The following NTNG1 variants were observed in gnomAD, a reference collection of about 807,000 sequenced individuals.
The protein encoded by NTNG1 is netrin-G1.
Under a neutral mutation model 54.0 loss-of-function variants are expected in NTNG1, and 16 were observed. The ratio of observed to expected loss-of-function variants is 0.30; its 90% CI spans 0.20 to 0.45. The LOEUF is 0.45. Among genes scored for constraint, NTNG1 ranks in the 20% least tolerant of loss-of-function variants. The probability of loss-of-function intolerance (pLI) is 1.00; values close to 1 mark genes in which losing one functional copy is unlikely to be tolerated. For missense variants in NTNG1, 530 were observed against 678.7 expected (o/e 0.78, Z 2.43); for synonymous variants, 255 against 263.1 (o/e 0.97, Z 0.30).
At chr1:107,452,609 C>T (rs1378249639) in intron 7 of NTNG1, among the ~76,000 whole-genome samples, 1 of 152,078 alleles carries the variant, frequency 6.6e-6, no homozygotes, top group African/African-American at 2.4e-5. Context: ...TCTGGTGAGA[C>T]TGGATTAATT....
chr1:107,275,591 C>G (rs1344250392), intron 2 of NTNG1, among the ~76,000 whole-genome samples: 1 of 151,964 alleles, frequency 6.6e-6, no homozygotes, highest in African/African-American at 2.4e-5. Context: ...GGCTCAAGAT[C>G]CAAGAAACAA....
At chr1:107,195,609 GCAGACA>G (rs1377849544) in intron 2 of NTNG1, among the ~76,000 whole-genome samples, 1 of 151,142 alleles carries the variant, frequency 6.6e-6, no homozygotes, top group Non-Finnish European at 1.5e-5. Flanking sequence ...ACACACACAG[GCAGACA>G]CACACACACA....
rs372636056 is a variant in NTNG1 at position 107,343,234 on chromosome 1, A to G, written c.887+18312A>G. On this transcript the variant is annotated intron_variant, in intron 3 of 7. Coordinates refer to ENST00000370068, the MANE Select transcript of NTNG1 (RefSeq NM_001113226.3). ...GTCACGCTCCACTTTTTGGCAAAGA[A>G]GGGAATGTTCCTTAATCCTGCCCTT... Among the ~76,000 whole-genome samples, 57 of 152,266 alleles carry G rather than the reference A, an allele frequency of 3.7e-4. No individual in the cohort carries two copies. The East Asian group carries it at 7.7e-3, about 21-fold the overall frequency.
intron 3 of NTNG1, among the ~76,000 whole-genome samples, chr1:107,354,468 CAAAAAAAAAAAAAA>C (rs398049560): frequency 1.5e-5 from 1 of 66,126 alleles, no homozygotes; most frequent in Non-Finnish European, 2.6e-5. Context: ...GACTCCATCT[CAAAAAAAAAAAAAA>C]AAAAAAAAAA....
chr1:107,211,468 C>T (rs1659593994), intron 2 of NTNG1, among the ~76,000 whole-genome samples: 1 of 151,978 alleles, frequency 6.6e-6, no homozygotes, highest in South Asian at 2.1e-4. Flanking sequence ...TTTAATATCC[C>T]TAAGCCACCA....
At chr1:107,249,818 G>A (rs1662471788) in intron 2 of NTNG1, among the ~76,000 whole-genome samples, 1 of 152,172 alleles carries the variant, frequency 6.6e-6, no homozygotes, top group Non-Finnish European at 1.5e-5. Flanking sequence ...AACACTTTAT[G>A]AGATATATTT....
At chr1:107,170,651 T>C (rs963826059) in intron 2 of NTNG1, among the ~76,000 whole-genome samples, 6 of 152,120 alleles carry the variant, frequency 3.9e-5, no homozygotes, top group African/African-American at 1.4e-4. Context: ...TTGGATAGAT[T>C]ATTTGGTATT....
chr1:107,226,837 T>C (rs555834905), intron 2 of NTNG1, among the ~76,000 whole-genome samples: 33 of 152,058 alleles, frequency 2.2e-4, no homozygotes, highest in Non-Finnish European at 4.1e-4. Flanking sequence ...TGTGCAGGCT[T>C]GTGTGAAGTA....
At chr1:107,391,388 T>C (rs1672349660) in intron 3 of NTNG1, among the ~76,000 whole-genome samples, 2 of 152,122 alleles carry the variant, frequency 1.3e-5, no homozygotes, top group African/African-American at 4.8e-5. Flanking sequence ...AAAATTCTGT[T>C]TAGAAGTTCT....
intron 3 of NTNG1, among the ~76,000 whole-genome samples, chr1:107,378,268 A>T (rs189403134): frequency 3.9e-5 from 6 of 152,306 alleles, no homozygotes; most frequent in Admixed American, 3.9e-4. Context: ...GCCTCAGCAC[A>T]TTGCCTATGA....
At chr1:107,360,859 T>A (rs1266361056) in intron 3 of NTNG1, among the ~76,000 whole-genome samples, 1 of 152,096 alleles carries the variant, frequency 6.6e-6, no homozygotes, top group East Asian at 1.9e-4. Context: ...GTATCTCTCG[T>A]CCATGCCTCC....
intron 1 of NTNG1, chr1:107,143,177 T>C (rs896960238): frequency 6.6e-6 from 1 of 152,172 alleles, no homozygotes; most frequent in Non-Finnish European, 1.5e-5. Context: ...TGGTATTTCC[T>C]TACTGTGGAA....
chr1:107,196,642 A>G (rs1658355768), intron 2 of NTNG1, among the ~76,000 whole-genome samples: 1 of 152,102 alleles, frequency 6.6e-6, no homozygotes. Flanking sequence ...AATGATGACA[A>G]CATAACACCC....
At chr1:107,286,249 C>T (rs561407697) in intron 2 of NTNG1, among the ~76,000 whole-genome samples, 2 of 152,226 alleles carry the variant, frequency 1.3e-5, no homozygotes, top group East Asian at 1.9e-4. Flanking sequence ...TCTAATTCAG[C>T]GTGGCATTTT....
At position 107,456,527 on chromosome 1, in the gene NTNG1, G is replaced by A. The variant is rs1380668834; in HGVS notation, c.1390+19728G>A. Among the ~76,000 whole-genome samples, 3 of 152,118 alleles carry A rather than the reference G, an allele frequency of 2.0e-5. No homozygotes were observed. In the South Asian group the frequency reaches 6.2e-4, roughly 32 times the overall value. On this transcript the variant is annotated intron_variant, in intron 7 of 7. Transcript: ENST00000370068. ...ATAAATCAGCCATGCCTCTCTCAGA[G>A]CTCCCACCAGAATCAAGTAGAACCC... is the stretch of plus-strand genomic sequence containing the variant.
In NTNG1 at chr1:107,432,050, T is replaced by C. The variant is rs540716327; in HGVS notation, c.1255+1133T>C. Among the ~76,000 whole-genome samples the C allele has an allele frequency of 7.2e-5, 11 of 152,306 alleles. No individual in the cohort carries two copies. The South Asian group carries it at 2.3e-3, about 32-fold the overall frequency. On this transcript the variant is annotated intron_variant, in intron 6 of 7. Coordinates refer to ENST00000370068, the MANE Select transcript of NTNG1 (RefSeq NM_001113226.3). Reference sequence around the variant, plus strand: ...ATAATACTGTTGGTGTCTACAGTACTTTCTGTATTTCAGAGCATCTCCTTA... The same window carrying C: ...ATAATACTGTTGGTGTCTACAGTACCTTCTGTATTTCAGAGCATCTCCTTA...
In NTNG1 at chr1:107,148,287, T is replaced by C. The variant is rs1350429559; in HGVS notation, c.-307T>C. On this transcript the variant is annotated 5_prime_UTR_variant, in exon 2 of 8. Transcript: ENST00000370068. ...TGGACATCTTTTACAAAAACCAAAC[T>C]AGACCTGAGTCTAATAGATATGTTC... is the stretch of plus-strand genomic sequence containing the variant. 4.1e-6 allele frequency: 1 copy of C among 241,534 alleles called. No homozygotes were observed. The highest frequency in any genetic ancestry group is 2.3e-5 in the African/African-American group (1 of 44,198). 15.0% of individuals were successfully genotyped at this position (241,534 alleles called of 1,614,324 possible). A position where few individuals can be genotyped will look rare whatever the true frequency, so the allele number is the denominator to read the frequency against.
chr1:107,188,056 T>C (rs1367844230), intron 2 of NTNG1, among the ~76,000 whole-genome samples: 1 of 42,998 alleles, frequency 2.3e-5, no homozygotes, highest in Non-Finnish European at 8.1e-5. Context: ...GGGAATGGCA[T>C]AGGCATTTTT....
chr1:107,445,421 A>C (rs370599634), intron 7 of NTNG1, among the ~76,000 whole-genome samples: 3 of 152,126 alleles, frequency 2.0e-5, no homozygotes, highest in East Asian at 3.8e-4. Flanking sequence ...AATTATTATT[A>C]TTTTAAAATA....
Sources: allele counts gnomAD v4.1 joint callset (sites outside exome capture counted in the v4.1 genomes callset), GRCh38; gene constraint gnomAD v4.1.1; transcripts MANE v1.5; gene names NCBI Gene and HGNC (gene_info 2026-07-23, HGNC 2026-07-21).